Variants in TBC1D32 observed in about 807,000 individuals in gnomAD.
TBC1D32 encodes the protein TBC1 domain family member 32.
Under a neutral mutation model 170.3 loss-of-function variants are expected in TBC1D32, and 151 were observed. That is an observed-to-expected ratio of 0.89 (90% CI 0.78 to 1.01). The LOEUF (loss-of-function observed/expected upper bound fraction) is 1.01. TBC1D32 is among the 50% of genes least tolerant of loss of function. The pLI, the probability that TBC1D32 is intolerant of heterozygous loss-of-function variation, is 0.00. For missense variants in TBC1D32, 1,464 were observed against 1,457.1 expected (o/e 1.00, Z -0.08); for synonymous variants, 498 against 488.0 (o/e 1.02, Z -0.27).
intron 21 of TBC1D32, among the ~76,000 whole-genome samples, chr6:121,217,115 C>G (rs1333122974): frequency 6.6e-6 from 1 of 152,218 alleles, no homozygotes; most frequent in Non-Finnish European, 1.5e-5. Flanking sequence ...TTCAAGAATG[C>G]TACTGGATTA....
At chr6:121,146,880 C>T (rs1401804609) in intron 24 of TBC1D32, among the ~76,000 whole-genome samples, 3 of 151,984 alleles carry the variant, frequency 2.0e-5, no homozygotes, top group Admixed American at 6.6e-5. Context: ...GTATATTGAG[C>T]GACAGTGAGG....
chr6:121,161,921 C>T (rs948973622), intron 22 of TBC1D32, among the ~76,000 whole-genome samples: 2 of 152,180 alleles, frequency 1.3e-5, no homozygotes, highest in African/African-American at 4.8e-5. Flanking sequence ...ATTTGCATTT[C>T]TCTAATGATC....
At chr6:121,323,573 A>C (rs1229310836) in intron 1 of TBC1D32, among the ~76,000 whole-genome samples, 1 of 152,176 alleles carries the variant, frequency 6.6e-6, no homozygotes, top group Non-Finnish European at 1.5e-5. Flanking sequence ...TCTCTTTATA[A>C]GAGTATCTCT....
At chr6:121,104,082 T>G (rs534607106) in intron 30 of TBC1D32, among the ~76,000 whole-genome samples, 2 of 152,004 alleles carry the variant, frequency 1.3e-5, no homozygotes, top group Admixed American at 1.3e-4. Context: ...ATAGGAAGAA[T>G]AATCTCATAC....
intron 3 of TBC1D32, among the ~76,000 whole-genome samples, chr6:121,311,322 T>C (rs1452409315): frequency 1.3e-5 from 2 of 152,202 alleles, no homozygotes; most frequent in Non-Finnish European, 2.9e-5. Flanking sequence ...AAAACTTCCA[T>C]CTATAAAAAA....
chr6:121,289,179 A>G (rs542430811), intron 12 of TBC1D32, among the ~76,000 whole-genome samples: 91 of 152,296 alleles, frequency 6.0e-4, no homozygotes, highest in African/African-American at 2.1e-3. Context: ...GGAAAGAAAT[A>G]AAGGGTATTC....
intron 1 of TBC1D32, among the ~76,000 whole-genome samples, chr6:121,329,144 A>C (rs939512457): frequency 3.3e-5 from 5 of 152,228 alleles, no homozygotes; most frequent in African/African-American, 1.2e-4. Flanking sequence ...TACCAAATTG[A>C]GTAAAAGAAC....
At chr6:121,084,525 C>T (rs1582689645) in intron 31 of TBC1D32, among the ~76,000 whole-genome samples, 1 of 152,086 alleles carries the variant, frequency 6.6e-6, no homozygotes, top group East Asian at 1.9e-4. Context: ...CTCTGCTCCT[C>T]AACCCCTTGC....
At chr6:121,157,385 C>G (rs1249391824) in intron 24 of TBC1D32, among the ~76,000 whole-genome samples, 1 of 152,022 alleles carries the variant, frequency 6.6e-6, no homozygotes, top group Non-Finnish European at 1.5e-5. Context: ...CCCTTTGAGC[C>G]TGTGAGTGCC....
Position 121,281,595 on chromosome 6 carries a change from A to T in TBC1D32, c.1557T>A (p.Ile519=). 5 of 1,607,800 alleles carry T rather than the reference A, an allele frequency of 3.1e-6. No homozygotes were observed. Among genetic ancestry groups the T allele is most frequent in the Non-Finnish European group, 4.3e-6 (5 of 1,176,200 alleles). ...TAGGCTGAAGAAGTGTCTCTATTAC[A>T]ATGTTGTTATATAAGCATTCCACTG... The part of the protein sequence containing the change: ...ECAVECLYNN[I]VIETLLQPIH... Residue 519 remains isoleucine, a synonymous_variant, in exon 14 of 32, where the codon ATT becomes ATA. Coordinates refer to ENST00000398212, the MANE Select transcript of TBC1D32 (RefSeq NM_152730.6).
chr6:121,293,969 T>C (rs761482495), intron 11 of TBC1D32, among the ~76,000 whole-genome samples: 1 of 152,130 alleles, frequency 6.6e-6, no homozygotes, highest in Non-Finnish European at 1.5e-5. Context: ...TATCTATTAG[T>C]GTAGGGAATT....
intron 10 of TBC1D32, 79 bp downstream of exon 10, chr6:121,299,367 C>A: frequency 1.4e-6 from 2 of 1,392,858 alleles, no homozygotes; most frequent in Non-Finnish European, 1.9e-6. Flanking sequence ...CACCACACAA[C>A]TTTGCATAGT....
chr6:121,298,947 A>G (rs1431864058), intron 10 of TBC1D32, among the ~76,000 whole-genome samples: 1 of 152,168 alleles, frequency 6.6e-6, no homozygotes, highest in African/African-American at 2.4e-5. Flanking sequence ...CAGTACCCTT[A>G]CATTGTTCTA....
At chr6:121,260,895 G>T (rs962140353) in intron 15 of TBC1D32, among the ~76,000 whole-genome samples, 3 of 152,170 alleles carry the variant, frequency 2.0e-5, no homozygotes, top group African/African-American at 7.2e-5. Flanking sequence ...ATGGGCGAAG[G>T]ACTGCAGCTA....
rs748374430 is a variant in TBC1D32, at chr6:121,201,698, T to A, written c.2570+3377A>T. On this transcript the variant is annotated intron_variant, in intron 22 of 31. Coordinates refer to ENST00000398212, the MANE Select transcript of TBC1D32 (RefSeq NM_152730.6). ...CAAATTTAAAGTGGCAACTGTACTA[T>A]AATTCTATTTTTATAAAAGAATTTA... is the stretch of plus-strand genomic sequence containing the variant. 4.6e-5 allele frequency among the ~76,000 whole-genome samples: 7 copies of A among 151,274 alleles called. 1 individual carries two copies. Among genetic ancestry groups the A allele is most frequent in the Non-Finnish European group, 7.4e-5 (5 of 67,974 alleles).
At chr6:121,312,310 T>C (rs753187203) in intron 3 of TBC1D32, among the ~76,000 whole-genome samples, 19 of 152,176 alleles carry the variant, frequency 1.2e-4, no homozygotes, top group Non-Finnish European at 2.5e-4. Context: ...TATATACCTA[T>C]GTAACTAACC....
intron 30 of TBC1D32, among the ~76,000 whole-genome samples, chr6:121,101,168 G>A (rs1044082623): frequency 2.6e-5 from 4 of 152,018 alleles, no homozygotes; most frequent in Admixed American, 1.3e-4. Flanking sequence ...ACAAGGAGGA[G>A]CTGGTACCAT....
intron 21 of TBC1D32, among the ~76,000 whole-genome samples, chr6:121,211,168 G>A (rs144648896): frequency 1.5e-3 from 226 of 152,130 alleles, no homozygotes; most frequent in African/African-American, 5.2e-3. Flanking sequence ...GGGAGGGGGC[G>A]GCGAGGAAAG....
chr6:121,218,888 T>A (rs1440809368), intron 21 of TBC1D32, among the ~76,000 whole-genome samples: 1 of 152,158 alleles, frequency 6.6e-6, no homozygotes, highest in Non-Finnish European at 1.5e-5. Flanking sequence ...TGCCATGTGA[T>A]GAAGGATGTG....
Sources: allele counts gnomAD v4.1 joint callset (sites outside exome capture counted in the v4.1 genomes callset), GRCh38; gene constraint gnomAD v4.1.1; transcripts MANE v1.5; gene names NCBI Gene and HGNC (gene_info 2026-07-23, HGNC 2026-07-21).